XKR4: variants seen among roughly 807,000 people sequenced by gnomAD.
XKR4 encodes XK-related protein 4.
XKR4 carries 12 observed loss-of-function variants against 53.9 expected under a neutral mutation model. That is an observed-to-expected ratio of 0.22 (90% CI 0.14 to 0.36). The LOEUF (loss-of-function observed/expected upper bound fraction) is 0.36. XKR4 is among the 10% of genes least tolerant of loss of function. XKR4 has a pLI of 1.00. For missense variants in XKR4, 799 were observed against 859.5 expected (o/e 0.93, Z 0.88); for synonymous variants, 354 against 362.4 (o/e 0.98, Z 0.26).
chr8:55,518,510 A>AATTCTT (rs1806749946), intron 2 of XKR4, among the ~76,000 whole-genome samples: 1 of 152,214 alleles, frequency 6.6e-6, no homozygotes, highest in African/African-American at 2.4e-5. Flanking sequence ...GAAATACACT[A>AATTCTT]ATTAAACAAG....
At chr8:55,441,517 A>G (rs1400655683) in intron 2 of XKR4, among the ~76,000 whole-genome samples, 1 of 152,182 alleles carries the variant, frequency 6.6e-6, no homozygotes, top group Non-Finnish European at 1.5e-5. Context: ...CTAACAATGG[A>G]CATATGGGGA....
chr8:55,441,513 A>C (rs928318299), intron 2 of XKR4, among the ~76,000 whole-genome samples: 6 of 152,176 alleles, frequency 3.9e-5, no homozygotes, highest in Admixed American at 3.3e-4. Flanking sequence ...TGATCTAACA[A>C]TGGACATATG....
At chr8:55,420,262 C>T (rs1804905613) in intron 2 of XKR4, among the ~76,000 whole-genome samples, 2 of 152,176 alleles carry the variant, frequency 1.3e-5, no homozygotes, top group Non-Finnish European at 2.9e-5. Context: ...AAACAAATAT[C>T]CAGAAAGATG....
intron 2 of XKR4, among the ~76,000 whole-genome samples, chr8:55,404,789 A>G (rs1283367840): frequency 6.6e-6 from 1 of 152,152 alleles, no homozygotes; most frequent in African/African-American, 2.4e-5. Flanking sequence ...ATAGATATCT[A>G]GGGGCCAGGA....
At chr8:55,425,037 G>C (rs944849461) in intron 2 of XKR4, among the ~76,000 whole-genome samples, 3 of 152,218 alleles carry the variant, frequency 2.0e-5, no homozygotes, top group Non-Finnish European at 4.4e-5. Flanking sequence ...AATGGTGACA[G>C]CTGTGGTGAG....
chr8:55,329,420 T>C (rs915908004), intron 1 of XKR4, among the ~76,000 whole-genome samples: 2 of 151,978 alleles, frequency 1.3e-5, no homozygotes, highest in Admixed American at 1.3e-4. Flanking sequence ...TCGTCAGTGT[T>C]AGTATATTTC....
At chr8:55,185,878 G>A (rs569644308) in intron 1 of XKR4, among the ~76,000 whole-genome samples, 1 of 152,288 alleles carries the variant, frequency 6.6e-6, no homozygotes, top group East Asian at 1.9e-4. Flanking sequence ...ACTTCATGCA[G>A]TCAAATTATT....
chr8:55,491,825 T>C (rs760923701), intron 2 of XKR4, among the ~76,000 whole-genome samples: 1 of 152,154 alleles, frequency 6.6e-6, no homozygotes, highest in African/African-American at 2.4e-5. Flanking sequence ...AAACGTACAG[T>C]ATCACAACCG....
intron 1 of XKR4, among the ~76,000 whole-genome samples, chr8:55,357,149 T>G (rs1396555264): frequency 1.3e-5 from 2 of 152,218 alleles, no homozygotes; most frequent in Non-Finnish European, 2.9e-5. Context: ...AAGGATCAAC[T>G]GTACTTACAC....
chr8:55,367,231 T>TTGTGTGTG (rs58010809), intron 2 of XKR4, among the ~76,000 whole-genome samples: 1 of 150,352 alleles, frequency 6.7e-6, no homozygotes, highest in African/African-American at 2.4e-5. Flanking sequence ...ACATACATTA[T>TTGTGTGTG]TGTGTGTGTG....
intron 2 of XKR4, among the ~76,000 whole-genome samples, chr8:55,464,358 A>G (rs1805719454): frequency 6.6e-6 from 1 of 152,206 alleles, no homozygotes; most frequent in Non-Finnish European, 1.5e-5. Flanking sequence ...GCATATAAAC[A>G]GAACCAAAGA....
At chr8:55,333,367 A>G (rs1433478102) in intron 1 of XKR4, among the ~76,000 whole-genome samples, 1 of 152,116 alleles carries the variant, frequency 6.6e-6, no homozygotes, top group South Asian at 2.1e-4. Flanking sequence ...AACTGGCTCT[A>G]TGGAGGGGAA....
At chr8:55,502,389 CTT>C (rs56332216) in intron 2 of XKR4, among the ~76,000 whole-genome samples, 6,290 of 150,770 alleles carry the variant, frequency 0.042, 534 homozygotes, top group East Asian at 0.28. Flanking sequence ...CTGCTATTTT[CTT>C]TTTTTTTTTA....
At chr8:55,436,035 T>G (rs1334284874) in intron 2 of XKR4, among the ~76,000 whole-genome samples, 2 of 152,150 alleles carry the variant, frequency 1.3e-5, no homozygotes, top group Admixed American at 1.3e-4. Context: ...ACAGCATATT[T>G]TTTCTCAAAC....
Position 55,454,033 on chromosome 8 carries a change from G to A in XKR4, c.1007-69248G>A, listed in dbSNP as rs538475576. On this transcript the variant is annotated intron_variant, in intron 2 of 2. Coordinates refer to ENST00000327381, the MANE Select transcript of XKR4 (RefSeq NM_052898.2). ...GAATGCACACGACGTGCAGGCACCAGAGATAGCCCTGCAGCAGCTGATGGA... is the reference window on the plus strand; with the variant it reads ...GAATGCACACGACGTGCAGGCACCAAAGATAGCCCTGCAGCAGCTGATGGA... The A allele has an allele frequency of 1.6e-5, 14 of 896,382 alleles. No homozygotes were observed. The East Asian group carries it at 3.5e-4, about 23-fold the overall frequency. The allele number at this position is 896,382 out of a possible 1,614,324, so 55.5% of individuals were successfully genotyped here.
At position 55,539,571 on chromosome 8, in the gene XKR4, A is replaced by G. The variant is rs886812374; in HGVS notation, c.*15344A>G. 3.3e-5 allele frequency: 5 copies of G among 152,150 alleles called. No individual in the cohort carries two copies. The highest frequency in any genetic ancestry group is 3.3e-4 in the Admixed American group (5 of 15,264). The allele number at this position is 152,150 out of a possible 1,614,324, so 9.4% of individuals were successfully genotyped here. ...AAGCATGAATTTAACCTAGGCAATT[A>G]TCTGATTCATTTTTTTTAAAGTTTG... On this transcript the variant is annotated 3_prime_UTR_variant, in exon 3 of 3. Transcript: ENST00000327381.
At chr8:55,387,943 G>C (rs1804348942) in intron 2 of XKR4, among the ~76,000 whole-genome samples, 2 of 152,194 alleles carry the variant, frequency 1.3e-5, no homozygotes, top group South Asian at 4.1e-4. Context: ...GTGTCACTGT[G>C]TCTTATTGTT....
chr8:55,239,266 A>G (rs1464600124), intron 1 of XKR4, among the ~76,000 whole-genome samples: 1 of 152,234 alleles, frequency 6.6e-6, no homozygotes, highest in Non-Finnish European at 1.5e-5. Context: ...CACTTTATAC[A>G]TGAAGTATCT....
chr8:55,277,378 T>C (rs1474329436), intron 1 of XKR4, among the ~76,000 whole-genome samples: 1 of 152,210 alleles, frequency 6.6e-6, no homozygotes, highest in African/African-American at 2.4e-5. Flanking sequence ...ACAAGTTGAG[T>C]ATCTCTTATC....
Sources: allele counts gnomAD v4.1 joint callset (sites outside exome capture counted in the v4.1 genomes callset), GRCh38; gene constraint gnomAD v4.1.1; transcripts MANE v1.5; gene names NCBI Gene and HGNC (gene_info 2026-07-23, HGNC 2026-07-21).